The following CNTN5 variants were observed in gnomAD, a reference collection of about 807,000 sequenced individuals.
The protein encoded by CNTN5 is contactin 5.
In CNTN5, 77 loss-of-function variants were observed where a neutral mutation model predicts 129.1. The observed-to-expected ratio is 0.60, with a 90% CI of 0.50 to 0.72. CNTN5 has a LOEUF of 0.72. Ranked by LOEUF, CNTN5 falls within the 30% of genes least tolerant of loss-of-function variation. CNTN5 has a pLI of 0.00. For synonymous variants in CNTN5, 509 were observed against 465.6 expected (o/e 1.09, Z -1.20); for missense variants, 1,478 against 1,328.8 (o/e 1.11, Z -1.75).
intron 1 of CNTN5, among the ~76,000 whole-genome samples, chr11:99,154,511 G>A (rs181730608): frequency 1.1e-3 from 164 of 152,264 alleles, no homozygotes; most frequent in Non-Finnish European, 2.2e-3. Flanking sequence ...CCATGCTGGC[G>A]GGGGAGGGAA....
intron 1 of CNTN5, among the ~76,000 whole-genome samples, chr11:99,209,076 T>C (rs1442895821): frequency 3.9e-5 from 6 of 152,144 alleles, no homozygotes; most frequent in Non-Finnish European, 7.3e-5. Flanking sequence ...AAAATAATGA[T>C]ATTTAACCTT....
chr11:99,185,266 A>T (rs1858283637), intron 1 of CNTN5, among the ~76,000 whole-genome samples: 1 of 130,820 alleles, frequency 7.6e-6, no homozygotes, highest in African/African-American at 2.8e-5. Context: ...TAGGCTGATT[A>T]GGGTGAATCG....
chr11:99,735,471 A>G (rs2135125108), intron 3 of CNTN5, among the ~76,000 whole-genome samples: 1 of 152,224 alleles, frequency 6.6e-6, no homozygotes, highest in Middle Eastern at 3.4e-3. Flanking sequence ...GGACCATAAG[A>G]AGATTGAACA....
intron 3 of CNTN5, among the ~76,000 whole-genome samples, chr11:99,685,016 A>G (rs1227940292): frequency 6.6e-6 from 1 of 150,526 alleles, no homozygotes; most frequent in Non-Finnish European, 1.5e-5. Flanking sequence ...TTGAGAGTTG[A>G]TTTTTAATCT....
intron 1 of CNTN5, among the ~76,000 whole-genome samples, chr11:99,314,658 C>T (rs143720909): frequency 1.6e-3 from 241 of 151,932 alleles, no homozygotes; most frequent in African/African-American, 5.7e-3. Flanking sequence ...TAACTCCTAT[C>T]CCTACTACTG....
At chr11:99,462,927 A>G (rs1252001225) in intron 2 of CNTN5, among the ~76,000 whole-genome samples, 1 of 151,998 alleles carries the variant, frequency 6.6e-6, no homozygotes, top group Non-Finnish European at 1.5e-5. Context: ...TCTACTAAAA[A>G]TACAAAAACA....
In CNTN5 at chr11:100,185,404, G is replaced by A. The variant is rs76984606; in HGVS notation, c.1581-5722G>A. ...TTCAGTACTCTGCAGTATACCCCAA[G>A]AGACTGACCCCTAAGAACTACATCA... On this transcript the variant is annotated intron_variant, in intron 13 of 24. Transcript: ENST00000524871. Among the ~76,000 whole-genome samples the A allele has an allele frequency of 8.5e-3, 1,292 of 152,136 alleles. 15 individuals carry two copies. The highest frequency in any genetic ancestry group is 0.029 in the African/African-American group (1,202 of 41,506).
chr11:99,178,256 G>C (rs968386703), intron 1 of CNTN5, among the ~76,000 whole-genome samples: 1 of 151,316 alleles, frequency 6.6e-6, no homozygotes, highest in East Asian at 1.9e-4. Context: ...CAAGGCAGGA[G>C]GATCACTTCA....
At position 99,234,605 on chromosome 11, in the gene CNTN5, G is replaced by A. The variant is rs186674298; in HGVS notation, c.-209-90741G>A. Among the ~76,000 whole-genome samples, 232 of 152,118 alleles carry A rather than the reference G, an allele frequency of 1.5e-3. 1 individual carries two copies. The highest frequency in any genetic ancestry group is 2.2e-4 in the Non-Finnish European group (15 of 67,980). On this transcript the variant is annotated intron_variant, in intron 1 of 24. Transcript: ENST00000524871. ...CCTCCCTCACTCTTGAATTACCTTA[G>A]AAGGCATGATCCAAGTCAGTTATTT...
chr11:99,623,011 C>T (rs1036964625), intron 3 of CNTN5, among the ~76,000 whole-genome samples: 5 of 152,144 alleles, frequency 3.3e-5, no homozygotes, highest in African/African-American at 9.7e-5. Flanking sequence ...TCGGGCTTCT[C>T]TTACTCTTGA....
intron 9 of CNTN5, among the ~76,000 whole-genome samples, chr11:100,037,541 T>G (rs1320556183): frequency 6.6e-6 from 1 of 152,156 alleles, no homozygotes. Flanking sequence ...TCAGAAGGAA[T>G]GGTACCAGCT....
At chr11:99,957,575 G>C (rs1052158032) in intron 8 of CNTN5, among the ~76,000 whole-genome samples, 2 of 152,076 alleles carry the variant, frequency 1.3e-5, no homozygotes, top group African/African-American at 4.8e-5. Flanking sequence ...CACCTCATTT[G>C]TATTTATAGA....
At chr11:99,221,369 G>T (rs72998293) in intron 1 of CNTN5, among the ~76,000 whole-genome samples, 5,474 of 151,880 alleles carry the variant, frequency 0.036, 138 homozygotes, top group Middle Eastern at 0.071. Context: ...TTCCTTTAAA[G>T]TCCTATACTT....
At chr11:99,166,753 C>A (rs11218606) in intron 1 of CNTN5, among the ~76,000 whole-genome samples, 10,223 of 132,488 alleles carry the variant, frequency 0.077, 564 homozygotes, top group East Asian at 0.43. Flanking sequence ...TCAATTTTTC[C>A]TTTTTCTTTT....
intron 1 of CNTN5, among the ~76,000 whole-genome samples, chr11:99,166,925 A>G (rs538592498): frequency 1.3e-5 from 2 of 152,264 alleles, no homozygotes; most frequent in East Asian, 1.9e-4. Context: ...AATGTTGCAT[A>G]ATGTTATTTA....
intron 3 of CNTN5, among the ~76,000 whole-genome samples, chr11:99,817,409 G>T (rs1166430152): frequency 6.6e-6 from 1 of 152,128 alleles, no homozygotes; most frequent in Admixed American, 6.5e-5. Flanking sequence ...AAGCCCATTT[G>T]TGTACCACTT....
chr11:99,984,002 C>T (rs578195074), intron 8 of CNTN5, among the ~76,000 whole-genome samples: 54 of 152,130 alleles, frequency 3.5e-4, no homozygotes, highest in African/African-American at 1.2e-3. Context: ...GGCATAGTGG[C>T]GACACCTGTT....
chr11:100,243,177 A>C (rs926864712), intron 16 of CNTN5, among the ~76,000 whole-genome samples: 22 of 152,264 alleles, frequency 1.4e-4, no homozygotes, highest in African/African-American at 3.9e-4. Flanking sequence ...TCCCACAAGA[A>C]ACATGATCCA....
intron 2 of CNTN5, among the ~76,000 whole-genome samples, chr11:99,339,352 T>A (rs1344947154): frequency 6.6e-6 from 1 of 152,090 alleles, no homozygotes. Context: ...TATGGTTGGG[T>A]GGTTTTTTGC....
Sources: allele counts gnomAD v4.1 joint callset (sites outside exome capture counted in the v4.1 genomes callset), GRCh38; gene constraint gnomAD v4.1.1; transcripts MANE v1.5; gene names NCBI Gene and HGNC (gene_info 2026-07-23, HGNC 2026-07-21).